MICAL1: variants seen among roughly 807,000 people sequenced by gnomAD.
MICAL1 encodes [F-actin]-monooxygenase MICAL1.
MICAL1 carries 95 observed loss-of-function variants against 131.8 expected under a neutral mutation model. The observed-to-expected ratio is 0.72, with a 90% CI of 0.61 to 0.86. The LOEUF is 0.86. MICAL1 is among the 40% of genes least tolerant of loss of function. The pLI is 0.00. For synonymous variants in MICAL1, 546 were observed against 554.2 expected (o/e 0.99, Z 0.21); for missense variants, 1,292 against 1,380.6 (o/e 0.94, Z 1.02).
Position 109,455,643 on chromosome 6 carries a change from G to T in MICAL1, c.-44+76C>A. On this transcript the variant is annotated intron_variant, in intron 1 of 24. Coordinates refer to ENST00000358807, the MANE Select transcript of MICAL1 (RefSeq NM_022765.4). This position sits in a 1 kb window ranked among gnomAD's most constrained non-coding sequence, Gnocchi z 4.7. ...GCGTGGTTCCCGAGCGACCGCAGCTGCGTTTCCCCGGAAGCGCACCCCACC... is the reference window on the plus strand; with the variant it reads ...GCGTGGTTCCCGAGCGACCGCAGCTTCGTTTCCCCGGAAGCGCACCCCACC... 2 of 933,230 alleles carry T rather than the reference G, an allele frequency of 2.1e-6. No individual in the cohort carries two copies. Among genetic ancestry groups the T allele is most frequent in the South Asian group, 4.9e-5 (1 of 20,280 alleles). The allele number at this position is 933,230 out of a possible 1,614,324, so 57.8% of individuals were successfully genotyped here. A position where few individuals can be genotyped will look rare whatever the true frequency, so the allele number is the denominator to read the frequency against.
At position 109,452,456 on chromosome 6, in the gene MICAL1, A is replaced by T; in HGVS notation, c.676+55T>A. 4 of 1,611,074 alleles carry T rather than the reference A, an allele frequency of 2.5e-6. No individual in the cohort carries two copies. The Admixed American group carries it at 6.7e-5, about 27-fold the overall frequency. On this transcript the variant is annotated intron_variant, in intron 5 of 24. Coordinates refer to ENST00000358807, the MANE Select transcript of MICAL1 (RefSeq NM_022765.4). Reference sequence around the variant, plus strand: ...GGAGGAGGGGGTTATAACAATCTAGAAAGGCCCAGGATGTGCCAGAGATGC... The same window carrying T: ...GGAGGAGGGGGTTATAACAATCTAGTAAGGCCCAGGATGTGCCAGAGATGC...
chr6:109,455,483 G>GTCTGAAAGGCT lies in MICAL1; in HGVS notation c.-44+235_-44+236insAGCCTTTCAGA, dbSNP rs1775710899. The GTCTGAAAGGCT allele has an allele frequency of 6.5e-6, 1 of 154,486 alleles. No individual in the cohort carries two copies. Among genetic ancestry groups the GTCTGAAAGGCT allele is most frequent in the African/African-American group, 2.4e-5 (1 of 41,502 alleles). The allele number at this position is 154,486 out of a possible 1,614,324, so 9.6% of individuals were successfully genotyped here. A position where few individuals can be genotyped will look rare whatever the true frequency, so the allele number is the denominator to read the frequency against. On this transcript the variant is annotated intron_variant, in intron 1 of 24. Transcript: ENST00000358807. This position sits in a 1 kb window ranked among gnomAD's most constrained non-coding sequence, Gnocchi z 4.7. ...ACGCCAGGACAAAGGCTGTGAGAGG[G>GTCTGAAAGGCT]GTGGAGCGGTCTGAAAGGATGGAGA...
In MICAL1 at chr6:109,450,003, T is replaced by TC. The variant is rs1425776799; in HGVS notation, c.1273dup (p.Glu425GlyfsTer4). ...CAACACCTCTAGGGACTCAGCGCCC[T>TC]CTGCCCACCGCTTCACCATCCAGGC... On this transcript the variant is annotated frameshift_variant, in exon 9 of 25. Transcript: ENST00000358807. LOFTEE classifies it high-confidence loss of function. 1.2e-6 allele frequency: 2 copies of TC among 1,614,012 alleles called. No individual in the cohort carries two copies. Among genetic ancestry groups the TC allele is most frequent in the East Asian group, 4.5e-5 (2 of 44,866 alleles).
chr6:109,450,174 GGGCCAT>G, intron 8 of MICAL1, 89 bp from the exon 9 acceptor site: 1 of 1,561,756 alleles, frequency 6.4e-7, no homozygotes, highest in Non-Finnish European at 8.7e-7. Context: ...ACAGCAGAAG[GGGCCAT>G]CCCCACACCA....
rs776198999 is a variant in MICAL1, at chr6:109,445,249, C to T, written c.2829G>A (p.Arg943=). Residue 943 remains arginine, a synonymous_variant, in exon 22 of 25, where the codon AGG becomes AGA. Coordinates refer to ENST00000358807, the MANE Select transcript of MICAL1 (RefSeq NM_022765.4). Reference sequence around the variant, plus strand: ...GCTTCACGCCCTCGGCCTCTAGCTCCCTCAAGGCAGCCTCAATCTCATTTA... The same window carrying T: ...GCTTCACGCCCTCGGCCTCTAGCTCTCTCAAGGCAGCCTCAATCTCATTTA... The part of the protein sequence containing the change: ...RRLNEIEAAL[R]ELEAEGVKLE... 1 of 1,614,130 alleles carries T rather than the reference C, an allele frequency of 6.2e-7. No individual in the cohort carries two copies.
upstream of MICAL1, among the ~76,000 whole-genome samples, chr6:109,458,924 G>T (rs1775826003): frequency 6.6e-6 from 1 of 152,192 alleles, no homozygotes; most frequent in African/African-American, 2.4e-5. Context: ...TGCGCCAAAG[G>T]TGTAGAGAGT....
rs1775467421 is a variant in MICAL1 at position 109,450,011 on chromosome 6, C to T, written c.1266G>A (p.Arg422=). The T allele has an allele frequency of 6.2e-7, 1 of 1,614,042 alleles. No homozygotes were observed. Among genetic ancestry groups the T allele is most frequent in the South Asian group, 1.1e-5 (1 of 91,096 alleles). ...AAFDAAWMVK[R]WAEGAESLEV... ...CTAGGGACTCAGCGCCCTCTGCCCA[C>T]CGCTTCACCATCCAGGCTGCATCAA... The change falls in exon 9 of 25, where the codon CGG becomes CGA. Residue 422 remains arginine, a synonymous_variant. Transcript: ENST00000358807.
upstream of MICAL1, among the ~76,000 whole-genome samples, chr6:109,460,538 A>G (rs1775860598): frequency 6.6e-6 from 1 of 151,598 alleles, no homozygotes; most frequent in Non-Finnish European, 1.5e-5. Context: ...ACACACACAC[A>G]CACACACACA....
At chr6:109,450,640 T>G in intron 7 of MICAL1, 83 bp from the exon 8 acceptor site, 1 of 1,458,514 alleles carries the variant, frequency 6.9e-7, no homozygotes, top group Non-Finnish European at 9.1e-7. Flanking sequence ...GCGCAGAAGG[T>G]GCACATCCTG....
At chr6:109,457,413 CA>C (rs1775779929), upstream of MICAL1, among the ~76,000 whole-genome samples, 1 of 152,190 alleles carries the variant, frequency 6.6e-6, no homozygotes, top group African/African-American at 2.4e-5. Context: ...AGGGTTGATT[CA>C]AAATGATGCG....
At position 109,444,800 on chromosome 6, in the gene MICAL1, T is replaced by C. The variant is rs947705181; in HGVS notation, c.2982-2A>G. 6.2e-7 allele frequency: 1 copy of C among 1,614,158 alleles called. No homozygotes were observed. The highest frequency in any genetic ancestry group is 1.3e-5 in the African/African-American group (1 of 75,058). The stretch of plus-strand genomic sequence containing the variant: ...TCCTCCAGATTCAATTCCTGCACCC[T>C]GTGGAGGTCAGGGATTGTAGAAGCA... On this transcript the variant is annotated splice_acceptor_variant, in intron 23 of 24. Coordinates refer to ENST00000358807, the MANE Select transcript of MICAL1 (RefSeq NM_022765.4). LOFTEE classifies it high-confidence loss of function.
intron 2 of MICAL1, 26 bp from the exon 3 acceptor site, chr6:109,453,871 C>A (rs766351688): frequency 5.6e-6 from 9 of 1,611,070 alleles, no homozygotes; most frequent in Admixed American, 1.7e-5. Context: ...GCAGTGAGGG[C>A]ATGGCATCCT....
rs1244045055 is a variant in MICAL1, at chr6:109,452,286, G to A, written c.792C>T (p.Ile264=). ...QVPEISGVAR[I]YNQSFFQSLL... ...GGCTCTGGAAGAAGCTCTGGTTGTA[G>A]ATCCTGGCTACACCACTGATCTCCG... is the stretch of plus-strand genomic sequence containing the variant. The change falls in exon 6 of 25, where the codon ATC becomes ATT. Residue 264 remains isoleucine (I), a synonymous_variant. Coordinates refer to ENST00000358807, the MANE Select transcript of MICAL1 (RefSeq NM_022765.4). The A allele has an allele frequency of 7.4e-6, 12 of 1,614,120 alleles. No individual in the cohort carries two copies. The highest frequency in any genetic ancestry group is 9.3e-6 in the Non-Finnish European group (11 of 1,179,984).
chr6:109,444,197 C>T lies in MICAL1; in HGVS notation c.3198G>A (p.Gln1066=). ...GCAGACGGCCCACCCTCGTCTAGCC[C>T]TGGGCCCCTGTCCCCAAGGCCAGCT... is the stretch of plus-strand genomic sequence containing the variant. ...LSELALGTGA[Q]G is the part of the protein sequence containing the mutation. Residue 1066 remains glutamine, a synonymous_variant, in exon 25 of 25, where the codon CAG becomes CAA. Transcript: ENST00000358807. 2 of 1,612,804 alleles carry T rather than the reference C, an allele frequency of 1.2e-6. No homozygotes were observed. The highest frequency in any genetic ancestry group is 2.2e-5 in the South Asian group (2 of 91,054).
At chr6:109,452,849 G>T (rs747996852) in intron 4 of MICAL1, among the ~76,000 whole-genome samples, 1 of 152,124 alleles carries the variant, frequency 6.6e-6, no homozygotes, top group East Asian at 1.9e-4. Context: ...CTTGCCCAAG[G>T]CCACACTATT....
chr6:109,446,144 C>T lies in MICAL1; in HGVS notation c.2573G>A (p.Ser858Asn), dbSNP rs1189516088. 1 of 1,543,234 alleles carries T rather than the reference C, an allele frequency of 6.5e-7. No homozygotes were observed. Among genetic ancestry groups the T allele is most frequent in the Admixed American group, 2.1e-5 (1 of 46,630 alleles). ...CTGTGAGGATGGGTTACCTTGAGGG[C>T]TCTGGACTGGCAGGCCCCAGCCCAC... is the stretch of plus-strand genomic sequence containing the variant. ...SFVGWGLPVQ[S>N]PQALVAMEKE... The change falls in exon 19 of 25, where the codon AGC (serine) becomes AAC (asparagine). Residue 858 changes from serine to asparagine, a missense_variant. By Grantham distance (46) the Ser-to-Asn change is conservative (BLOSUM62 1). Coordinates refer to ENST00000358807, the MANE Select transcript of MICAL1 (RefSeq NM_022765.4).
exon 1 of MICAL1, chr6:109,465,849 G>T: frequency 6.2e-7 from 1 of 1,614,198 alleles, no homozygotes; most frequent in South Asian, 1.1e-5. Context: ...CGTGTTTACA[G>T]GTCAGCTCTG....
rs759348100 is a variant in MICAL1 at position 109,453,711 on chromosome 6, G to A, written c.393C>T (p.Thr131=). The A allele has an allele frequency of 1.9e-6, 3 of 1,613,926 alleles. No homozygotes were observed. The highest frequency in any genetic ancestry group is 1.7e-5 in the Admixed American group (1 of 60,026). Reference sequence around the variant, plus strand: ...CACCGAGTGCCCGCAGGTCGTGGATGGTGAAGGGCCAGAGGTGGAGCACGT... The same window carrying A: ...CACCGAGTGCCCGCAGGTCGTGGATAGTGAAGGGCCAGAGGTGGAGCACGT... ...RHNVLHLWPF[T]IHDLRALGAK... is the part of the protein sequence containing the mutation. Residue 131 remains threonine, a synonymous_variant, in exon 3 of 25, where the codon ACC becomes ACT. Coordinates refer to ENST00000358807, the MANE Select transcript of MICAL1 (RefSeq NM_022765.4).
chr6:109,453,349 A>G lies in MICAL1; in HGVS notation c.485T>C (p.Leu162Pro), dbSNP rs374965648. The G allele has an allele frequency of 6.2e-6, 10 of 1,613,894 alleles. No homozygotes were observed. In the African/African-American group the frequency reaches 1.3e-4, roughly 22 times the overall value. ...CAGCAATGCTACCTTCAGCAGAAGC[A>G]GCTGGAGCTGCCTGATGCCTGGAAG... ...LDHISIRQLQLLLLKVALLLG... is the reference protein window; with the variant it reads ...LDHISIRQLQPLLLKVALLLG... The change falls in exon 4 of 25, where the codon CTG (leucine) becomes CCG (proline). Residue 162 changes from leucine to proline, a missense_variant. Leu to Pro is a moderately conservative substitution (Grantham distance 98). Transcript: ENST00000358807.
Sources: gnomAD v4.1 joint callset for allele counts (sites outside exome capture counted in the v4.1 genomes callset) on GRCh38, gnomAD v4.1.1 for gene constraint, Gnocchi (gnomAD v3.1) non-coding constraint, MANE v1.5 for transcripts, NCBI Gene and HGNC (gene_info 2026-07-23, HGNC 2026-07-21) for gene names.